The following CSNK2B variants were observed in gnomAD, a reference collection of about 807,000 sequenced individuals.
CSNK2B encodes the protein casein kinase II subunit beta.
In CSNK2B, 2 loss-of-function variants were observed where a neutral mutation model predicts 28.8. The observed-to-expected ratio is 0.07, with a 90% CI of 0.03 to 0.22. The LOEUF (loss-of-function observed/expected upper bound fraction) is 0.22, where lower values mean the gene tolerates loss of function less well. CSNK2B is among the 10% of genes least tolerant of loss of function. The probability of loss-of-function intolerance (pLI) is 1.00; values close to 1 mark genes in which losing one functional copy is unlikely to be tolerated. For synonymous variants in CSNK2B, 89 were observed against 96.1 expected (o/e 0.93, Z 0.43); for missense variants, 107 against 277.9 (o/e 0.39, Z 4.37).
intron 1 of CSNK2B, 42 bp downstream of exon 1, chr6:31,666,250 G>A: frequency 1.1e-6 from 1 of 948,158 alleles, no homozygotes; most frequent in Non-Finnish European, 1.3e-6. Flanking sequence ...CTTGTCGCTG[G>A]GAGCGGCACA....
chr6:31,666,774 G>A (rs1352598344), intron 1 of CSNK2B, 47 bp from the exon 2 acceptor site: 1 of 1,485,176 alleles, frequency 6.7e-7, no homozygotes, highest in East Asian at 2.3e-5. Context: ...GGATACCAGA[G>A]GCAGGGAAGG....
rs939847277 is a variant in CSNK2B at position 31,670,034 on chromosome 6, G to T, written c.*108G>T. The T allele has an allele frequency of 3.5e-6, 3 of 864,454 alleles. No homozygotes were observed. Among genetic ancestry groups the T allele is most frequent in the Non-Finnish European group, 5.2e-6 (3 of 580,808 alleles). The allele number at this position is 864,454 out of a possible 1,614,324, so 53.5% of individuals were successfully genotyped here. On this transcript the variant is annotated 3_prime_UTR_variant, in exon 7 of 7. Coordinates refer to ENST00000375882, the MANE Select transcript of CSNK2B (RefSeq NM_001320.7). ...TTAAATTAAAGGAGTCGTTATCGTG[G>T]TGGGAATATGAAATAAAGTAGAAGA...
intron 2 of CSNK2B, 56 bp from the exon 3 acceptor site, chr6:31,667,812 A>G: frequency 9.7e-7 from 1 of 1,026,342 alleles, no homozygotes; most frequent in Non-Finnish European, 1.4e-6. Flanking sequence ...CATTTTGCCC[A>G]GGTCAAAGAT....
chr6:31,668,921 G>C (rs1367335220), intron 4 of CSNK2B, 176 bp from the exon 5 acceptor site: 5 of 618,858 alleles, frequency 8.1e-6, no homozygotes, highest in African/African-American at 1.8e-5. Context: ...ATGGTTTGTA[G>C]CCTGCCTAAT....
In CSNK2B at chr6:31,669,665, C is replaced by G. The variant is rs146729693; in HGVS notation, c.557+157C>G. On this transcript the variant is annotated intron_variant, in intron 6 of 6. Transcript: ENST00000375882. The surrounding 1 kb of genome is among the most constrained non-coding windows in gnomAD (Gnocchi z 4.8). ...TGGGAAAGTTATTTGATTATCTGTG[C>G]TTGAGTTACCTTATTGTAGAATGTT... Among the ~76,000 whole-genome samples the G allele has an allele frequency of 1.1e-3, 174 of 152,332 alleles. No individual in the cohort carries two copies. The highest frequency in any genetic ancestry group is 3.4e-3 in the Admixed American group (52 of 15,306).
intron 2 of CSNK2B, 25 bp downstream of exon 2, chr6:31,666,928 T>G (rs71563362): frequency 0.012 from 18,181 of 1,578,562 alleles, 180 homozygotes; most frequent in South Asian, 0.038. Flanking sequence ...ACCTCCCTAC[T>G]TGCCAGCTTC....
chr6:31,668,527 G>T lies in CSNK2B; in HGVS notation c.176-12G>T. 1.2e-6 allele frequency: 2 copies of T among 1,611,076 alleles called. No homozygotes were observed. The highest frequency in any genetic ancestry group is 1.3e-5 in the African/African-American group (1 of 75,012). Reference sequence around the variant, plus strand: ...AAAACAAGTAGTTGCATTTGGCCGGGCTGTGTTTCAGATGAAGAACTGGAA... The same window carrying T: ...AAAACAAGTAGTTGCATTTGGCCGGTCTGTGTTTCAGATGAAGAACTGGAA... On this transcript the variant is annotated splice_polypyrimidine_tract_variant and intron_variant, in intron 3 of 6. Transcript: ENST00000375882.
chr6:31,669,541 G>A lies in CSNK2B; in HGVS notation c.557+33G>A. The A allele has an allele frequency of 1.3e-6, 2 of 1,591,992 alleles. No individual in the cohort carries two copies. The highest frequency in any genetic ancestry group is 8.5e-7 in the Non-Finnish European group (1 of 1,174,014). Reference sequence around the variant, plus strand: ...GCAGGGAGAGTCATTAAGGGTCAAAGGAAAGGCCCAAGATCCCCCAGAGAG... The same window carrying A: ...GCAGGGAGAGTCATTAAGGGTCAAAAGAAAGGCCCAAGATCCCCCAGAGAG... On this transcript the variant is annotated intron_variant, in intron 6 of 6. Coordinates refer to ENST00000375882, the MANE Select transcript of CSNK2B (RefSeq NM_001320.7). This position sits in a 1 kb window ranked among gnomAD's most constrained non-coding sequence, Gnocchi z 4.8.
rs370990220 is a variant in CSNK2B, at chr6:31,669,929, C to G, written c.*3C>G. The stretch of plus-strand genomic sequence containing the variant: ...GCCCAGTCAAGACGATTCGCTGATT[C>G]CCTCCCCCACCTGTCCTGCAGTCTT... On this transcript the variant is annotated 3_prime_UTR_variant, in exon 7 of 7. Coordinates refer to ENST00000375882, the MANE Select transcript of CSNK2B (RefSeq NM_001320.7). This position sits in a 1 kb window ranked among gnomAD's most constrained non-coding sequence, Gnocchi z 4.8. 4.0e-4 allele frequency: 651 copies of G among 1,611,592 alleles called. 9 individuals carry two copies. In the South Asian group the frequency reaches 5.5e-3, roughly 14 times the overall value.
At position 31,669,084 on chromosome 6, in the gene CSNK2B, G is replaced by A; in HGVS notation, c.292-13G>A. On this transcript the variant is annotated splice_polypyrimidine_tract_variant and intron_variant, in intron 4 of 6. Coordinates refer to ENST00000375882, the MANE Select transcript of CSNK2B (RefSeq NM_001320.7). The surrounding 1 kb of genome is among the most constrained non-coding windows in gnomAD (Gnocchi z 4.8). ...CATCTACCTGCCAACCCCTTCCATT[G>A]TATTCACCTCAGTTGGAAAAGTACC... 5 of 1,610,176 alleles carry A rather than the reference G, an allele frequency of 3.1e-6. No individual in the cohort carries two copies. The highest frequency in any genetic ancestry group is 4.5e-5 in the East Asian group (2 of 44,852).
Position 31,666,837 on chromosome 6 carries a change from C to T in CSNK2B, c.6C>T (p.Ser2=), listed in dbSNP as rs1801756577. ...TTTTTCTAGCTGACGTGAAGATGAGCAGCTCAGAGGAGGTGTCCTGGATTT... is the reference window on the plus strand; with the variant it reads ...TTTTTCTAGCTGACGTGAAGATGAGTAGCTCAGAGGAGGTGTCCTGGATTT... The part of the protein sequence containing the change: M[S]SSEEVSWISW... The change falls in exon 2 of 7, where the codon AGC becomes AGT. Residue 2 remains serine, a synonymous_variant. Coordinates refer to ENST00000375882, the MANE Select transcript of CSNK2B (RefSeq NM_001320.7). The T allele has an allele frequency of 1.2e-6, 2 of 1,613,194 alleles. No individual in the cohort carries two copies. Among genetic ancestry groups the T allele is most frequent in the Non-Finnish European group, 1.7e-6 (2 of 1,179,352 alleles).
rs997239640 is a variant in CSNK2B at position 31,668,633 on chromosome 6, C to T, written c.270C>T (p.Thr90=). 1.9e-6 allele frequency: 3 copies of T among 1,612,948 alleles called. No individual in the cohort carries two copies. The African/African-American group carries it at 4.0e-5, about 22-fold the overall frequency. Residue 90 remains threonine (T), a synonymous_variant, in exon 4 of 7, where the codon ACC becomes ACT. Coordinates refer to ENST00000375882, the MANE Select transcript of CSNK2B (RefSeq NM_001320.7). ...TGATCCACGCCCGCTACATCCTTACCAACCGTGGCATCGCCCAGATGGTGA... is the reference window on the plus strand; with the variant it reads ...TGATCCACGCCCGCTACATCCTTACTAACCGTGGCATCGCCCAGATGGTGA... ...YGLIHARYIL[T]NRGIAQMLEK...
intron 4 of CSNK2B, chr6:31,668,869 T>TCC: frequency 1.6e-6 from 1 of 611,884 alleles, no homozygotes. Context: ...AGAGTTGTGA[T>TCC]AGACTGCCTC....
At chr6:31,667,437 C>G in intron 2 of CSNK2B, 1 of 330,814 alleles carries the variant, frequency 3.0e-6, no homozygotes. Flanking sequence ...CGGCCTGTAT[C>G]TTTTGTTACT....
intron 2 of CSNK2B, 46 bp from the exon 3 acceptor site, chr6:31,667,822 T>A: frequency 8.6e-7 from 1 of 1,163,792 alleles, no homozygotes; most frequent in Non-Finnish European, 1.2e-6. Flanking sequence ...AGGTCAAAGA[T>A]GAGGATTTTG....
Position 31,669,800 on chromosome 6 carries a change from C to G in CSNK2B, c.558-36C>G. ...TGACTGGCAGGGCCTGGATGGGGCTCATGCTGCTGCCTCTCTGACCTCTGC... is the reference window on the plus strand; with the variant it reads ...TGACTGGCAGGGCCTGGATGGGGCTGATGCTGCTGCCTCTCTGACCTCTGC... On this transcript the variant is annotated intron_variant, in intron 6 of 6. Transcript: ENST00000375882. The surrounding 1 kb of genome is among the most constrained non-coding windows in gnomAD (Gnocchi z 4.8). 6.4e-7 allele frequency: 1 copy of G among 1,565,774 alleles called. No homozygotes were observed. The highest frequency in any genetic ancestry group is 8.7e-7 in the Non-Finnish European group (1 of 1,146,156).
At chr6:31,668,256 T>C in intron 3 of CSNK2B, 1 of 600,634 alleles carries the variant, frequency 1.7e-6, no homozygotes. Context: ...AGTCTAGAAT[T>C]TCATCTTCTG....
chr6:31,666,817 C>T lies in CSNK2B; in HGVS notation c.-11-4C>T, dbSNP rs1801753671. The T allele has an allele frequency of 1.2e-6, 2 of 1,610,396 alleles. No homozygotes were observed. The highest frequency in any genetic ancestry group is 1.3e-5 in the African/African-American group (1 of 74,822). ...GAGCTTTACTGACACTGTTCTTTTT[C>T]TAGCTGACGTGAAGATGAGCAGCTC... On this transcript the variant is annotated splice_polypyrimidine_tract_variant and splice_region_variant and intron_variant, in intron 1 of 6. Coordinates refer to ENST00000375882, the MANE Select transcript of CSNK2B (RefSeq NM_001320.7).
chr6:31,667,472 T>A (rs1801849676), intron 2 of CSNK2B, among the ~76,000 whole-genome samples: 1 of 152,330 alleles, frequency 6.6e-6, no homozygotes, highest in East Asian at 1.9e-4. Flanking sequence ...AGTACTTGTC[T>A]CAGGTGGCCT....
Sources: gnomAD v4.1 joint callset for allele counts (sites outside exome capture counted in the v4.1 genomes callset) on GRCh38, gnomAD v4.1.1 for gene constraint, Gnocchi (gnomAD v3.1) non-coding constraint, MANE v1.5 for transcripts, NCBI Gene and HGNC (gene_info 2026-07-23, HGNC 2026-07-21) for gene names.